CFAP77: variants seen among roughly 807,000 people sequenced by gnomAD.
The protein encoded by CFAP77 is cilia- and flagella-associated protein 77.
In CFAP77, 25 loss-of-function variants were observed where a neutral mutation model predicts 31.1. The observed-to-expected ratio is 0.80, with a 90% CI of 0.59 to 1.12. The LOEUF (loss-of-function observed/expected upper bound fraction) is 1.12, where lower values mean the gene tolerates loss of function less well. Ranked by LOEUF, CFAP77 falls within the 50% of genes most tolerant of loss-of-function variation. The probability of loss-of-function intolerance (pLI) is 0.00; values close to 1 mark genes in which losing one functional copy is unlikely to be tolerated. For missense variants in CFAP77, 377 were observed against 397.3 expected (o/e 0.95, Z 0.44); for synonymous variants, 151 against 159.9 (o/e 0.94, Z 0.42).
chr9:132,426,178 T>C (rs1850309018), intron 1 of CFAP77, among the ~76,000 whole-genome samples: 1 of 152,244 alleles, frequency 6.6e-6, no homozygotes, highest in African/African-American at 2.4e-5. Context: ...TTATCTTTTA[T>C]TTGTGTCAGG....
intron 1 of CFAP77, 58 bp downstream of exon 1, chr9:132,410,524 C>G: frequency 1.4e-6 from 2 of 1,424,526 alleles, no homozygotes; most frequent in East Asian, 2.9e-5. Flanking sequence ...ACCTGCGCCG[C>G]CGGGGGTCCC....
chr9:132,468,335 A>G lies in CFAP77; in HGVS notation c.196-30360A>G, dbSNP rs527966544. Among the ~76,000 whole-genome samples, 3 of 152,152 alleles carry G rather than the reference A, an allele frequency of 2.0e-5. No homozygotes were observed. The South Asian group carries it at 6.2e-4, about 32-fold the overall frequency. On this transcript the variant is annotated intron_variant, in intron 1 of 5. Transcript: ENST00000393216. ...CCTCCAGCCTGGGCAACAGAGTGAG[A>G]CTCCGTCTCAAAAAACAAAAAACCA... is the stretch of plus-strand genomic sequence containing the variant.
At chr9:132,563,540 C>T (rs1453476659) in intron 5 of CFAP77, among the ~76,000 whole-genome samples, 1 of 152,222 alleles carries the variant, frequency 6.6e-6, no homozygotes, top group Non-Finnish European at 1.5e-5. Context: ...CACTGATGGA[C>T]ATGCAGTTGT....
At chr9:132,453,154 C>A (rs1326554721) in intron 1 of CFAP77, among the ~76,000 whole-genome samples, 1 of 152,162 alleles carries the variant, frequency 6.6e-6, no homozygotes, top group Non-Finnish European at 1.5e-5. Context: ...AGTGAATCTC[C>A]ATTTCCTCTT....
At chr9:132,483,263 CTCTG>C (rs1851480524) in intron 1 of CFAP77, among the ~76,000 whole-genome samples, 2 of 151,716 alleles carry the variant, frequency 1.3e-5, no homozygotes, top group Admixed American at 6.6e-5. Flanking sequence ...AAGAGCAAAA[CTCTG>C]TCTTAAAACA....
chr9:132,532,203 TCAGA>T (rs1021461587), intron 3 of CFAP77, among the ~76,000 whole-genome samples: 9 of 152,200 alleles, frequency 5.9e-5, no homozygotes, highest in Admixed American at 1.3e-4. Flanking sequence ...GAACCTTTGC[TCAGA>T]CAGAATCCCA....
chr9:132,456,703 C>T (rs113482625), intron 1 of CFAP77, among the ~76,000 whole-genome samples: 6,548 of 152,188 alleles, frequency 0.043, 484 homozygotes, highest in African/African-American at 0.15. Context: ...TGGGCAATAA[C>T]CACCTGGGAG....
At chr9:132,568,303 C>T (rs1239193889) in intron 5 of CFAP77, among the ~76,000 whole-genome samples, 1 of 152,166 alleles carries the variant, frequency 6.6e-6, no homozygotes, top group Non-Finnish European at 1.5e-5. Context: ...GCCTGTAATC[C>T]CAACACTTTG....
chr9:132,410,324 A>T lies in CFAP77; in HGVS notation c.53A>T (p.Gln18Leu). 6.3e-7 allele frequency: 1 copy of T among 1,597,654 alleles called. No individual in the cohort carries two copies. The highest frequency in any genetic ancestry group is 1.1e-5 in the South Asian group (1 of 89,478). The stretch of plus-strand genomic sequence containing the variant: ...GACCTCACGCGATGGAGGAAGCAGC[A>T]GCAGCCTGTGCGCCGCACGGTCAGC... ...GPDLTRWRKQ[Q>L]QPVRRTVSQV... Residue 18 changes from glutamine (Q) to leucine (L), a missense_variant, in exon 1 of 6, where the codon CAG becomes CTG. Coordinates refer to ENST00000393216, the MANE Select transcript of CFAP77 (RefSeq NM_001282957.2).
chr9:132,483,290 A>G (rs925521075), intron 1 of CFAP77, among the ~76,000 whole-genome samples: 1 of 152,000 alleles, frequency 6.6e-6, no homozygotes, highest in Non-Finnish European at 1.5e-5. Flanking sequence ...AAAACAAACA[A>G]AACAAAACAA....
intron 1 of CFAP77, among the ~76,000 whole-genome samples, chr9:132,473,383 G>C (rs1324107598): frequency 6.6e-6 from 1 of 152,118 alleles, no homozygotes. Context: ...TTACTATTTG[G>C]CCTCCCTATT....
rs1330403950 is a variant in CFAP77 at position 132,545,039 on chromosome 9, C to A, written c.732+1992C>A. ...AGGGCTCCAGGTAACAGTGCCGCACCTGTGCTGGGAGCTCCGGTCTGTCTC... is the reference window on the plus strand; with the variant it reads ...AGGGCTCCAGGTAACAGTGCCGCACATGTGCTGGGAGCTCCGGTCTGTCTC... On this transcript the variant is annotated intron_variant, in intron 5 of 5. Coordinates refer to ENST00000393216, the MANE Select transcript of CFAP77 (RefSeq NM_001282957.2). The surrounding 1 kb of genome is among the most constrained non-coding windows in gnomAD (Gnocchi z 4.6). 6.6e-6 allele frequency among the ~76,000 whole-genome samples: 1 copy of A among 152,236 alleles called. No homozygotes were observed. The highest frequency in any genetic ancestry group is 1.5e-5 in the Non-Finnish European group (1 of 68,038).
At chr9:132,567,256 G>C (rs1829895750) in intron 5 of CFAP77, among the ~76,000 whole-genome samples, 1 of 152,224 alleles carries the variant, frequency 6.6e-6, no homozygotes, top group African/African-American at 2.4e-5. Context: ...AGAAAACCAA[G>C]GGGAATATGG....
At chr9:132,489,007 C>T (rs540674063) in intron 1 of CFAP77, among the ~76,000 whole-genome samples, 5 of 152,104 alleles carry the variant, frequency 3.3e-5, no homozygotes, top group East Asian at 1.9e-4. Flanking sequence ...GGAGGAAACT[C>T]GGAAAAAGGC....
At chr9:132,522,937 T>TCTTTC (rs1852294751) in intron 3 of CFAP77, among the ~76,000 whole-genome samples, 1 of 152,206 alleles carries the variant, frequency 6.6e-6, no homozygotes, top group Non-Finnish European at 1.5e-5. Context: ...GGAGTCCTTT[T>TCTTTC]CTTTCCTTTT....
At chr9:132,562,333 C>G (rs886568207) in intron 5 of CFAP77, among the ~76,000 whole-genome samples, 3 of 152,248 alleles carry the variant, frequency 2.0e-5, no homozygotes, top group African/African-American at 7.2e-5. Context: ...CTCTGCTTCC[C>G]TCCCTGGGCT....
chr9:132,555,919 C>T (rs1167821520), intron 5 of CFAP77, among the ~76,000 whole-genome samples: 1 of 152,020 alleles, frequency 6.6e-6, no homozygotes, highest in Admixed American at 6.6e-5. Flanking sequence ...TACACGATAC[C>T]GAGAATCAAC....
At chr9:132,419,446 C>G (rs1216347267) in intron 1 of CFAP77, among the ~76,000 whole-genome samples, 1 of 152,164 alleles carries the variant, frequency 6.6e-6, no homozygotes, top group African/African-American at 2.4e-5. Context: ...ATGCCACAGC[C>G]TCCCACAAAG....
chr9:132,486,339 G>A (rs1200699627), intron 1 of CFAP77, among the ~76,000 whole-genome samples: 2 of 151,384 alleles, frequency 1.3e-5, no homozygotes, highest in Non-Finnish European at 1.5e-5. Context: ...TGATCCGCCC[G>A]CCTCGGCCTC....
Sources: gnomAD v4.1 joint callset for allele counts (sites outside exome capture counted in the v4.1 genomes callset) on GRCh38, gnomAD v4.1.1 for gene constraint, Gnocchi (gnomAD v3.1) non-coding constraint, MANE v1.5 for transcripts, NCBI Gene and HGNC (gene_info 2026-07-23, HGNC 2026-07-21) for gene names.